Variants in SNAP47 observed in about 807,000 individuals in gnomAD.
SNAP47 encodes the protein synaptosome associated protein 47, also known as synaptosomal-associated protein 47.
A neutral mutation model predicts 31.4 loss-of-function variants in SNAP47; 20 were observed. The ratio of observed to expected loss-of-function variants is 0.64; its 90% CI spans 0.45 to 0.93. SNAP47 has a LOEUF of 0.93. Ranked by LOEUF, SNAP47 falls within the 40% of genes least tolerant of loss-of-function variation. SNAP47 has a pLI of 0.00. For missense variants in SNAP47, 492 were observed against 528.5 expected (o/e 0.93, Z 0.68); for synonymous variants, 194 against 213.4 (o/e 0.91, Z 0.79).
Position 227,780,386 on chromosome 1 carries a change from C to T in SNAP47, c.1114-141C>T, listed in dbSNP as rs985880067. Reference sequence around the variant, plus strand: ...TGACCTGACCCTGGTGCTGGGCTGCCGGCTCCCTCCTGCTGGCTCGCAGAT... The same window carrying T: ...TGACCTGACCCTGGTGCTGGGCTGCTGGCTCCCTCCTGCTGGCTCGCAGAT... On this transcript the variant is annotated intron_variant, in intron 4 of 4. Transcript: ENST00000617596. 63 of 1,229,672 alleles carry T rather than the reference C, an allele frequency of 5.1e-5. 2 individuals are homozygous for T. The highest frequency in any genetic ancestry group is 4.7e-4 in the South Asian group (32 of 67,678). The allele number at this position is 1,229,672 out of a possible 1,614,324, so 76.2% of individuals were successfully genotyped here.
At chr1:227,775,207 C>T (rs186398644) in intron 4 of SNAP47, among the ~76,000 whole-genome samples, 105 of 152,338 alleles carry the variant, frequency 6.9e-4, no homozygotes, top group Middle Eastern at 6.8e-3. Flanking sequence ...GTGTTCTTTA[C>T]GGCCTCCAGA....
chr1:227,733,452 A>G (rs1294396911), upstream of SNAP47: 6 of 1,587,714 alleles, frequency 3.8e-6, no homozygotes, highest in Non-Finnish European at 5.1e-6. Context: ...CTGGGCACAA[A>G]CACCATCTCG....
At position 227,763,189 on chromosome 1, in the gene SNAP47, A is replaced by G. The variant is rs960383558; in HGVS notation, c.988+3704A>G. ...AGGCTGGTCTTGAACTCCTGGGCTC[A>G]AGTGATCCTCTCACCTCAGCCTCCC... On this transcript the variant is annotated intron_variant, in intron 3 of 4. Transcript: ENST00000617596. This position sits in a 1 kb window ranked among gnomAD's most constrained non-coding sequence, Gnocchi z 4.2. 2.8e-4 allele frequency among the ~76,000 whole-genome samples: 43 copies of G among 152,072 alleles called. No homozygotes were observed. Among genetic ancestry groups the G allele is most frequent in the Middle Eastern group, 3.4e-3 (1 of 294 alleles).
upstream of SNAP47, chr1:227,733,538 G>C: frequency 6.2e-7 from 1 of 1,607,260 alleles, no homozygotes; most frequent in Non-Finnish European, 8.5e-7. Context: ...GCAGAGTGCT[G>C]GGGAGGTCAC....
chr1:227,771,658 A>G (rs924113225), intron 4 of SNAP47, among the ~76,000 whole-genome samples: 6 of 49,070 alleles, frequency 1.2e-4, no homozygotes, highest in Non-Finnish European at 2.1e-4. Flanking sequence ...CACCCCGCCC[A>G]CCCCCACCCC....
chr1:227,778,040 A>G (rs917653230), intron 4 of SNAP47, among the ~76,000 whole-genome samples: 1 of 152,238 alleles, frequency 6.6e-6, no homozygotes, highest in Non-Finnish European at 1.5e-5. Flanking sequence ...GATGGTAAAA[A>G]CAGAAGACAA....
intron 4 of SNAP47, chr1:227,776,273 G>A: frequency 1.9e-6 from 2 of 1,027,968 alleles, no homozygotes; most frequent in Non-Finnish European, 2.3e-6. Flanking sequence ...CCCAGGGCCA[G>A]CCTGGATTGT....
At chr1:227,757,632 G>A (rs929048921) in intron 2 of SNAP47, among the ~76,000 whole-genome samples, 6 of 152,146 alleles carry the variant, frequency 3.9e-5, no homozygotes, top group African/African-American at 1.4e-4. Context: ...GCCAACGGCA[G>A]GTCTAGTAAC....
chr1:227,737,315 C>T (rs994927866), intron 1 of SNAP47, among the ~76,000 whole-genome samples: 7 of 152,208 alleles, frequency 4.6e-5, no homozygotes, highest in Non-Finnish European at 8.8e-5. Context: ...TCCCAGGCGT[C>T]TTGACAGGGA....
At chr1:227,774,056 A>G (rs1664006147) in intron 4 of SNAP47, among the ~76,000 whole-genome samples, 1 of 152,090 alleles carries the variant, frequency 6.6e-6, no homozygotes, top group African/African-American at 2.4e-5. Flanking sequence ...CCTGCTGTGG[A>G]TCCATCTCTC....
intron 3 of SNAP47, among the ~76,000 whole-genome samples, chr1:227,764,240 A>T (rs1663245784): frequency 6.6e-6 from 1 of 152,242 alleles, no homozygotes; most frequent in Admixed American, 6.5e-5. Context: ...CAGCAGCTCC[A>T]CGAGCACTGT....
rs184183776 is a variant in SNAP47, at chr1:227,768,826, C to T, written c.1113+1743C>T. On this transcript the variant is annotated intron_variant, in intron 4 of 4. Transcript: ENST00000617596. ...CCCAGCCATCCTCCTGAGAGTGCCT[C>T]GGCACGTGGCTGAGACTGGCAGGAT... 4.3e-4 allele frequency among the ~76,000 whole-genome samples: 65 copies of T among 152,364 alleles called. No homozygotes were observed. In the East Asian group the frequency reaches 9.1e-3, roughly 21 times the overall value.
intron 2 of SNAP47, 126 bp from the exon 3 acceptor site, chr1:227,758,869 T>C (rs1485813059): frequency 1.1e-5 from 13 of 1,167,364 alleles, no homozygotes; most frequent in African/African-American, 1.5e-5. Flanking sequence ...ATGGAGTGCT[T>C]GTGGAAATGA....
upstream of SNAP47, chr1:227,733,107 C>T: frequency 6.7e-7 from 1 of 1,497,788 alleles, no homozygotes; most frequent in Middle Eastern, 1.8e-4. Context: ...CGCCAGGAAC[C>T]CACTGTGGGG....
intron 4 of SNAP47, among the ~76,000 whole-genome samples, chr1:227,768,545 G>T (rs1663583801): frequency 6.6e-6 from 1 of 152,280 alleles, no homozygotes; most frequent in South Asian, 2.1e-4. Context: ...AGCTTGTTTG[G>T]GGAAAAAGGT....
At chr1:227,766,113 C>T (rs1558209805) in intron 3 of SNAP47, among the ~76,000 whole-genome samples, 2 of 152,136 alleles carry the variant, frequency 1.3e-5, no homozygotes, top group Non-Finnish European at 2.9e-5. Flanking sequence ...GAGGAGGGTA[C>T]GGGCTCTGCT....
chr1:227,775,732 T>G lies in SNAP47; in HGVS notation c.1114-4795T>G, dbSNP rs550960410. On this transcript the variant is annotated intron_variant, in intron 4 of 4. Transcript: ENST00000617596. ...TATTTTTCTATATTTATTTTTTGCC[T>G]TTATAAACAAAATGGAAATGGTGAG... The G allele has an allele frequency of 8.5e-6, 11 of 1,295,162 alleles. No individual in the cohort carries two copies. The East Asian group carries it at 5.6e-4, about 66-fold the overall frequency. The allele number at this position is 1,295,162 out of a possible 1,614,324, so 80.2% of individuals were successfully genotyped here.
intron 2 of SNAP47, among the ~76,000 whole-genome samples, chr1:227,750,777 G>A (rs1305798973): frequency 1.3e-5 from 2 of 152,192 alleles, no homozygotes; most frequent in Admixed American, 1.3e-4. Flanking sequence ...TGCTTCCTGG[G>A]GTGTCATCCT....
intron 4 of SNAP47, chr1:227,777,119 AG>A (rs1323475924): frequency 1.1e-6 from 1 of 900,134 alleles, no homozygotes; most frequent in African/African-American, 1.8e-5. Flanking sequence ...TAAAAAAAAA[AG>A]TTATTTTATT....
Sources: allele counts gnomAD v4.1 joint callset (sites outside exome capture counted in the v4.1 genomes callset), GRCh38; gene constraint gnomAD v4.1.1; non-coding constraint Gnocchi (gnomAD v3.1); transcripts MANE v1.5; gene names NCBI Gene and HGNC (gene_info 2026-07-23, HGNC 2026-07-21).